TTLL5: variants seen among roughly 807,000 people sequenced by gnomAD.
TTLL5 encodes the protein tubulin tyrosine ligase like 5, also known as tubulin polyglutamylase TTLL5.
TTLL5 carries 132 observed loss-of-function variants against 168.4 expected under a neutral mutation model. That is an observed-to-expected ratio of 0.78 (90% CI 0.68 to 0.91). The LOEUF is 0.91. TTLL5 is among the 40% of genes least tolerant of loss of function. The pLI, the probability that TTLL5 is intolerant of heterozygous loss-of-function variation, is 0.00. For missense variants in TTLL5, 1,545 were observed against 1,581.5 expected, an observed-to-expected ratio of 0.98 and a Z score of 0.39; for synonymous variants, 546 against 558.6, an observed-to-expected ratio of 0.98 and a Z score of 0.32.
chr14:75,861,321 T>C (rs901399308), intron 28 of TTLL5, among the ~76,000 whole-genome samples: 11 of 151,902 alleles, frequency 7.2e-5, no homozygotes, highest in Non-Finnish European at 1.0e-4. Flanking sequence ...TCTAAGAGAG[T>C]TGGGAAACCA....
chr14:75,926,947 G>A (rs1389747791), intron 31 of TTLL5, among the ~76,000 whole-genome samples: 3 of 152,354 alleles, frequency 2.0e-5, no homozygotes, highest in Non-Finnish European at 4.4e-5. Flanking sequence ...TAAACAAAAT[G>A]CAGTGTATAT....
intron 31 of TTLL5, among the ~76,000 whole-genome samples, chr14:75,919,619 T>C (rs1176133398): frequency 6.6e-6 from 1 of 152,100 alleles, no homozygotes; most frequent in Non-Finnish European, 1.5e-5. Context: ...TCTACACAAA[T>C]ATTAACCAAA....
chr14:75,681,711 C>A, intron 4 of TTLL5, 84 bp downstream of exon 4: 2 of 1,183,098 alleles, frequency 1.7e-6, no homozygotes, highest in Non-Finnish European at 2.5e-6. Flanking sequence ...GTTAACAGGG[C>A]CAGCTCCAGG....
intron 31 of TTLL5, among the ~76,000 whole-genome samples, chr14:75,938,979 G>A (rs759467528): frequency 6.6e-6 from 1 of 152,152 alleles, no homozygotes; most frequent in South Asian, 2.1e-4. Flanking sequence ...TCAGTTTAAC[G>A]GGTCGCAACC....
rs1883543827 is a variant in TTLL5 at position 75,669,429 on chromosome 14, A to T, written c.88A>T (p.Ile30Phe). The T allele has an allele frequency of 6.2e-7, 1 of 1,614,026 alleles. No homozygotes were observed. Among genetic ancestry groups the T allele is most frequent in the Non-Finnish European group, 8.5e-7 (1 of 1,179,910 alleles). Reference sequence around the variant, plus strand: ...TTGTCGTTATAGGGATCATCCATGCATCATGTGGACTGGAGGCTGCAGGAG... The same window carrying T: ...TTGTCGTTATAGGGATCATCCATGCTTCATGTGGACTGGAGGCTGCAGGAG... The part of the protein sequence containing the change: ...EVISQEDHPC[I>F]MWTGGCRRIP... Residue 30 changes from isoleucine to phenylalanine, a missense_variant, in exon 3 of 32, where the codon ATC becomes TTC. Coordinates refer to ENST00000298832, the MANE Select transcript of TTLL5 (RefSeq NM_015072.5).
chr14:75,902,288 T>C, intron 31 of TTLL5, 64 bp downstream of exon 31: 1 of 1,528,612 alleles, frequency 6.5e-7, no homozygotes, highest in Non-Finnish European at 9.0e-7. Context: ...GCTTGGCACA[T>C]TCTCTCTTCT....
chr14:75,820,203 G>A, intron 28 of TTLL5, 42 bp downstream of exon 28: 4 of 1,523,894 alleles, frequency 2.6e-6, no homozygotes, highest in Non-Finnish European at 3.5e-6. Context: ...GTTACTCAGG[G>A]ATGGCCTGTG....
intron 30 of TTLL5, among the ~76,000 whole-genome samples, chr14:75,901,075 C>A (rs147678955): frequency 9.1e-4 from 138 of 152,260 alleles, no homozygotes; most frequent in African/African-American, 3.1e-3. Flanking sequence ...TTTGATCTCT[C>A]AGGTACAACT....
intron 28 of TTLL5, among the ~76,000 whole-genome samples, chr14:75,834,735 A>G (rs175891): frequency 0.13 from 20,465 of 152,168 alleles, 1,862 homozygotes; most frequent in East Asian, 0.4. Context: ...TTTTCCTTTA[A>G]CAAGAACCAC....
In TTLL5 at chr14:75,820,071, TC is replaced by T; in HGVS notation, c.3238del (p.Arg1080AspfsTer43). 6.2e-7 allele frequency: 1 copy of T among 1,609,886 alleles called. No individual in the cohort carries two copies. Among genetic ancestry groups the T allele is most frequent in the East Asian group, 2.3e-5 (1 of 44,374 alleles). On this transcript the variant is annotated frameshift_variant, in exon 28 of 32. Coordinates refer to ENST00000298832, the MANE Select transcript of TTLL5 (RefSeq NM_015072.5). LOFTEE classifies it high-confidence loss of function. ...NRSSASAPPT[L>X]RPIISPSGPT... ...AGCAGTGCTTCAGCTCCCCCAACCC[TC>T]CGACCCATCATCAGTCCTAGTGGCC...
intron 24 of TTLL5, among the ~76,000 whole-genome samples, chr14:75,782,010 T>TAGTATCCAGG (rs1331681925): frequency 6.8e-6 from 1 of 146,814 alleles, no homozygotes; most frequent in African/African-American, 2.5e-5. Flanking sequence ...AGAGCCATCG[T>TAGTATCCAGG]AGTATCCAGG....
intron 29 of TTLL5, among the ~76,000 whole-genome samples, chr14:75,876,446 T>C (rs2031487951): frequency 6.6e-6 from 1 of 152,188 alleles, no homozygotes; most frequent in African/African-American, 2.4e-5. Context: ...AGTAGGTCAT[T>C]TGAGGTAGTA....
chr14:75,920,410 G>C (rs10143951), intron 31 of TTLL5, among the ~76,000 whole-genome samples: 6,777 of 151,716 alleles, frequency 0.045, 387 homozygotes, highest in African/African-American at 0.13. Context: ...CCCACCCCTC[G>C]ACAGGCCCTG....
intron 31 of TTLL5, among the ~76,000 whole-genome samples, chr14:75,942,444 A>G (rs1479469238): frequency 1.3e-5 from 2 of 152,194 alleles, no homozygotes; most frequent in Non-Finnish European, 2.9e-5. Flanking sequence ...TCATGTGAAA[A>G]TTTGTAAGAT....
At chr14:75,871,600 A>G (rs1235731678) in intron 29 of TTLL5, among the ~76,000 whole-genome samples, 1 of 151,086 alleles carries the variant, frequency 6.6e-6, no homozygotes, top group African/African-American at 2.4e-5. Context: ...TAACCAATTA[A>G]GATTCAGAAC....
At chr14:75,799,918 TTAGA>T (rs529670763) in intron 27 of TTLL5, among the ~76,000 whole-genome samples, 3 of 152,228 alleles carry the variant, frequency 2.0e-5, no homozygotes, top group Non-Finnish European at 4.4e-5. Flanking sequence ...TGTCTTGACT[TTAGA>T]TAACCTGATG....
intron 26 of TTLL5, among the ~76,000 whole-genome samples, chr14:75,789,981 G>T (rs1014480335): frequency 6.6e-6 from 1 of 152,174 alleles, no homozygotes; most frequent in African/African-American, 2.4e-5. Context: ...AGACAGTGTG[G>T]TATTGGCAAA....
chr14:75,754,101 T>G (rs1402780113), intron 18 of TTLL5, among the ~76,000 whole-genome samples: 1 of 152,202 alleles, frequency 6.6e-6, no homozygotes, highest in African/African-American at 2.4e-5. Flanking sequence ...CTTCCAAAAC[T>G]AAATTAATCT....
At chr14:75,775,831 G>T (rs1364286793) in intron 22 of TTLL5, among the ~76,000 whole-genome samples, 1 of 152,170 alleles carries the variant, frequency 6.6e-6, no homozygotes, top group Non-Finnish European at 1.5e-5. Flanking sequence ...TACTTCTGAA[G>T]GCCCAGTGGC....
Sources: gnomAD v4.1 joint callset for allele counts (sites outside exome capture counted in the v4.1 genomes callset) on GRCh38, gnomAD v4.1.1 for gene constraint, MANE v1.5 for transcripts, NCBI Gene and HGNC (gene_info 2026-07-23, HGNC 2026-07-21) for gene names.